AUTS2: variants seen among roughly 807,000 people sequenced by gnomAD.
AUTS2 encodes activator of transcription and developmental regulator AUTS2.
A neutral mutation model predicts 112.4 loss-of-function variants in AUTS2; 17 were observed. The ratio of observed to expected loss-of-function variants is 0.15; its 90% CI spans 0.10 to 0.23. The LOEUF is 0.23. Among genes scored for constraint, AUTS2 ranks in the 10% least tolerant of loss-of-function variants. The pLI is 1.00. For synonymous variants in AUTS2, 751 were observed against 702.7 expected (o/e 1.07, Z -1.09); for missense variants, 1,510 against 1,701.6 (o/e 0.89, Z 1.98).
intron 1 of AUTS2, among the ~76,000 whole-genome samples, chr7:69,783,088 C>CTTTTTTTTTTTTTTT (rs398047755): frequency 1.2e-5 from 1 of 85,136 alleles, no homozygotes. Context: ...TGCTGCTCAT[C>CTTTTTTTTTTTTTTT]TTTTTTTTTT....
intron 1 of AUTS2, among the ~76,000 whole-genome samples, chr7:69,629,375 C>G (rs1345609246): frequency 6.6e-6 from 1 of 152,170 alleles, no homozygotes; most frequent in East Asian, 1.9e-4. Context: ...AAATACCTGA[C>G]AGACCTTGCT....
chr7:70,529,598 C>T (rs1182145524), intron 5 of AUTS2, among the ~76,000 whole-genome samples: 1 of 152,326 alleles, frequency 6.6e-6, no homozygotes, highest in Admixed American at 6.5e-5. Context: ...TGAAAAGGCT[C>T]CTGCCTTTCA....
chr7:69,676,100 C>T (rs773914006), intron 1 of AUTS2, among the ~76,000 whole-genome samples: 8 of 152,130 alleles, frequency 5.3e-5, no homozygotes, highest in Non-Finnish European at 1.0e-4. Flanking sequence ...ACCAAAGGTT[C>T]TGGTGTTCAG....
chr7:70,378,470 TGCTATGTACC>T (rs1278595672), intron 4 of AUTS2, among the ~76,000 whole-genome samples: 12 of 152,266 alleles, frequency 7.9e-5, no homozygotes, highest in African/African-American at 2.2e-4. Flanking sequence ...CATGTATTCA[TGCTATGTACC>T]AGGCACTGAG....
chr7:70,451,667 T>G (rs1197361849), intron 5 of AUTS2, among the ~76,000 whole-genome samples: 2 of 152,170 alleles, frequency 1.3e-5, no homozygotes, highest in African/African-American at 4.8e-5. Context: ...AAATATTTAT[T>G]TTAGAAATGA....
At chr7:70,539,695 A>G (rs1347874632) in intron 5 of AUTS2, among the ~76,000 whole-genome samples, 1 of 152,102 alleles carries the variant, frequency 6.6e-6, no homozygotes, top group East Asian at 1.9e-4. Flanking sequence ...TCTCTTGATT[A>G]TGCTTTTACA....
intron 6 of AUTS2, among the ~76,000 whole-genome samples, chr7:70,741,049 G>A (rs58967237): frequency 0.18 from 26,875 of 150,994 alleles, 2,756 homozygotes; most frequent in African/African-American, 0.29. Context: ...AGCTGAGATC[G>A]CACCACCACA....
rs142037865 is a variant in AUTS2 at position 70,634,181 on chromosome 7, G to T, written c.691-64388G>T. Among the ~76,000 whole-genome samples, 65 of 152,320 alleles carry T rather than the reference G, an allele frequency of 4.3e-4. 1 individual carries two copies. The East Asian group carries it at 0.012, about 29-fold the overall frequency. Reference sequence around the variant, plus strand: ...AGAATTAATGAGTAAAATGGGATCTGTTGGAAGGGGGTTGGGAGTGCTGGA... The same window carrying T: ...AGAATTAATGAGTAAAATGGGATCTTTTGGAAGGGGGTTGGGAGTGCTGGA... On this transcript the variant is annotated intron_variant, in intron 5 of 18. Transcript: ENST00000342771.
chr7:70,682,929 C>T (rs1808283033), intron 5 of AUTS2, among the ~76,000 whole-genome samples: 1 of 152,260 alleles, frequency 6.6e-6, no homozygotes, highest in African/African-American at 2.4e-5. Context: ...GGCATCCTTA[C>T]TATATGGTAA....
rs372796733 is a variant in AUTS2, at chr7:70,693,165, G to A, written c.691-5404G>A. Among the ~76,000 whole-genome samples, 15 of 152,318 alleles carry A rather than the reference G, an allele frequency of 9.8e-5. No homozygotes were observed. In the South Asian group the frequency reaches 2.9e-3, roughly 29 times the overall value. On this transcript the variant is annotated intron_variant, in intron 5 of 18. Transcript: ENST00000342771. ...ATTAAAACTCCAGATGTTTTCAGAGGGTTTCCTCGCCCGGGGTGCGTTCTG... is the reference window on the plus strand; with the variant it reads ...ATTAAAACTCCAGATGTTTTCAGAGAGTTTCCTCGCCCGGGGTGCGTTCTG...
chr7:70,127,986 C>T (rs1443451806), intron 3 of AUTS2, among the ~76,000 whole-genome samples: 1 of 151,846 alleles, frequency 6.6e-6, no homozygotes, highest in Non-Finnish European at 1.5e-5. Flanking sequence ...TATTCCATGC[C>T]AGGTTGTTTG....
At chr7:70,167,677 A>G (rs1014784545) in intron 4 of AUTS2, among the ~76,000 whole-genome samples, 1 of 152,232 alleles carries the variant, frequency 6.6e-6, no homozygotes, top group Non-Finnish European at 1.5e-5. Flanking sequence ...GTAAATTTCA[A>G]TAAGTGTAAA....
At chr7:70,719,784 A>G (rs1168199651) in intron 6 of AUTS2, among the ~76,000 whole-genome samples, 2 of 152,168 alleles carry the variant, frequency 1.3e-5, no homozygotes, top group Non-Finnish European at 2.9e-5. Flanking sequence ...TTTAAAACAA[A>G]GAAATGGAAA....
intron 1 of AUTS2, among the ~76,000 whole-genome samples, chr7:69,815,209 C>G (rs1790705222): frequency 6.6e-6 from 1 of 152,148 alleles, no homozygotes; most frequent in Non-Finnish European, 1.5e-5. Context: ...GATATATTTT[C>G]TGAAAGGGAA....
At chr7:69,811,405 A>G (rs1247641679) in intron 1 of AUTS2, among the ~76,000 whole-genome samples, 1 of 151,954 alleles carries the variant, frequency 6.6e-6, no homozygotes, top group Admixed American at 6.6e-5. Flanking sequence ...TCCTACTTGG[A>G]CACCTGAGAT....
In AUTS2 at chr7:69,633,198, C is replaced by T. The variant is rs1310364494; in HGVS notation, c.309+33236C>T. Among the ~76,000 whole-genome samples, 5 of 151,604 alleles carry T rather than the reference C, an allele frequency of 3.3e-5. No homozygotes were observed. In the South Asian group the frequency reaches 8.3e-4, roughly 25 times the overall value. On this transcript the variant is annotated intron_variant, in intron 1 of 18. Transcript: ENST00000342771. ...GTGAGATCATGCAATATTTTTTTTT[C>T]TGTGTCTGGTTTATTTCACTTAGTA...
chr7:70,171,629 C>A (rs1808693027), intron 4 of AUTS2, among the ~76,000 whole-genome samples: 1 of 152,142 alleles, frequency 6.6e-6, no homozygotes, highest in African/African-American at 2.4e-5. Context: ...AGGTCACGGG[C>A]TTTAGTCAAA....
At chr7:69,712,452 A>G (rs1295424583) in intron 1 of AUTS2, among the ~76,000 whole-genome samples, 1 of 152,028 alleles carries the variant, frequency 6.6e-6, no homozygotes, top group African/African-American at 2.4e-5. Context: ...ACTTCCAACA[A>G]TTACGTGTAA....
At chr7:70,747,624 A>ATGTTT (rs1788538001) in intron 6 of AUTS2, among the ~76,000 whole-genome samples, 2 of 150,104 alleles carry the variant, frequency 1.3e-5, no homozygotes, top group South Asian at 2.1e-4. Flanking sequence ...ACACCTGGCT[A>ATGTTT]TGTTTTGTTT....
Sources: gnomAD v4.1 joint callset for allele counts (sites outside exome capture counted in the v4.1 genomes callset) on GRCh38, gnomAD v4.1.1 for gene constraint, MANE v1.5 for transcripts, NCBI Gene and HGNC (gene_info 2026-07-23, HGNC 2026-07-21) for gene names.